CDK14: variants seen among roughly 807,000 people sequenced by gnomAD.
CDK14 encodes cyclin dependent kinase 14.
A neutral mutation model predicts 60.7 loss-of-function variants in CDK14; 34 were observed. The ratio of observed to expected loss-of-function variants is 0.56; its 90% CI spans 0.43 to 0.75. The LOEUF (loss-of-function observed/expected upper bound fraction) is 0.75, where lower values mean the gene tolerates loss of function less well. Ranked by LOEUF, CDK14 falls within the 30% of genes least tolerant of loss-of-function variation. The pLI is 0.00. For synonymous variants in CDK14, 197 were observed against 203.7 expected, an observed-to-expected ratio of 0.97 and a Z score of 0.28; for missense variants, 482 against 564.1, an observed-to-expected ratio of 0.85 and a Z score of 1.47.
intron 2 of CDK14, among the ~76,000 whole-genome samples, chr7:90,640,441 A>G (rs186119894): frequency 3.3e-5 from 5 of 152,284 alleles, no homozygotes; most frequent in East Asian, 3.9e-4. Flanking sequence ...GCAGAGAAAT[A>G]TGATGGAGTA....
intron 5 of CDK14, 40 bp downstream of exon 5, chr7:90,790,692 A>T: frequency 7.5e-7 from 1 of 1,335,688 alleles, no homozygotes; most frequent in Non-Finnish European, 1.1e-6. Flanking sequence ...TTGTGTTTCT[A>T]TGGTCCCCGT....
At chr7:90,875,482 G>A (rs916679493) in intron 6 of CDK14, among the ~76,000 whole-genome samples, 1 of 150,970 alleles carries the variant, frequency 6.6e-6, no homozygotes, top group African/African-American at 2.4e-5. Context: ...GCAGTGTATA[G>A]GGGTGCCAAT....
At chr7:90,622,009 A>G (rs1335590944) in intron 2 of CDK14, among the ~76,000 whole-genome samples, 1 of 152,152 alleles carries the variant, frequency 6.6e-6, no homozygotes, top group African/African-American at 2.4e-5. Flanking sequence ...TTTGATGATG[A>G]TTGGGTTACA....
intron 10 of CDK14, among the ~76,000 whole-genome samples, chr7:91,008,555 AT>A (rs956848223): frequency 5.3e-5 from 8 of 151,456 alleles, no homozygotes; most frequent in Admixed American, 1.3e-4. Context: ...TTTGGCAGTA[AT>A]TTTTTTTTCT....
chr7:90,899,581 C>T (rs534530782), intron 7 of CDK14, among the ~76,000 whole-genome samples: 1 of 152,048 alleles, frequency 6.6e-6, no homozygotes, highest in Admixed American at 6.6e-5. Context: ...CTTATATTTT[C>T]TTGCTGGAGA....
intron 9 of CDK14, among the ~76,000 whole-genome samples, chr7:90,969,081 T>A (rs974303246): frequency 2.0e-5 from 3 of 152,142 alleles, no homozygotes; most frequent in African/African-American, 7.2e-5. Context: ...AGGGCAAATA[T>A]TTGAGAATAT....
chr7:90,797,177 A>G (rs1359260108), intron 5 of CDK14, among the ~76,000 whole-genome samples: 2 of 151,732 alleles, frequency 1.3e-5, no homozygotes, highest in African/African-American at 2.4e-5. Context: ...AACAACAGAA[A>G]CTTAATGTCT....
Position 90,833,448 on chromosome 7 carries a change from A to G in CDK14, c.545-29727A>G, listed in dbSNP as rs1166074381. Among the ~76,000 whole-genome samples the G allele has an allele frequency of 3.9e-5, 6 of 152,262 alleles. No homozygotes were observed. The South Asian group carries it at 8.3e-4, about 21-fold the overall frequency. ...ACTTTGATATGTTTTCCTGTTTGCA[A>G]CCACTCATCTGGGGGCACAAGAAAA... On this transcript the variant is annotated intron_variant, in intron 5 of 14. Transcript: ENST00000380050.
chr7:90,874,304 T>G (rs1791475610), intron 6 of CDK14, among the ~76,000 whole-genome samples: 1 of 152,152 alleles, frequency 6.6e-6, no homozygotes, highest in African/African-American at 2.4e-5. Context: ...TTTGGCTAGA[T>G]GTAGAATTCT....
chr7:90,736,363 T>TG (rs941425474), intron 3 of CDK14, among the ~76,000 whole-genome samples: 4 of 147,566 alleles, frequency 2.7e-5, no homozygotes, highest in Admixed American at 6.7e-5. Context: ...TTTTTTTTTT[T>TG]TTTTTTTTTT....
In CDK14 at chr7:90,878,920, A is replaced by C. The variant is rs79581736; in HGVS notation, c.639+15651A>C. The stretch of plus-strand genomic sequence containing the variant: ...ATATGTATGTATTTAATGTTCAGTA[A>C]GTATTGACAGTGAAGAAACAAATGA... On this transcript the variant is annotated intron_variant, in intron 6 of 14. Coordinates refer to ENST00000380050, the MANE Select transcript of CDK14 (RefSeq NM_001287135.2). 9.8e-3 allele frequency among the ~76,000 whole-genome samples: 1,500 copies of C among 152,332 alleles called. 24 individuals are homozygous for C. Among genetic ancestry groups the C allele is most frequent in the African/African-American group, 0.033 (1,377 of 41,558 alleles).
intron 10 of CDK14, among the ~76,000 whole-genome samples, chr7:90,991,324 C>T (rs1358865334): frequency 6.6e-6 from 1 of 152,004 alleles, no homozygotes; most frequent in African/African-American, 2.4e-5. Context: ...TCTTGGTTCC[C>T]ACATCGTATT....
chr7:90,639,122 C>G (rs1232030174), intron 2 of CDK14, among the ~76,000 whole-genome samples: 1 of 152,234 alleles, frequency 6.6e-6, no homozygotes, highest in Non-Finnish European at 1.5e-5. Context: ...AAGCCTTCTT[C>G]TCTCAACTCG....
intron 6 of CDK14, among the ~76,000 whole-genome samples, chr7:90,868,602 A>G (rs994188288): frequency 4.6e-5 from 7 of 152,142 alleles, no homozygotes; most frequent in African/African-American, 1.7e-4. Context: ...AACATTATAT[A>G]AAACAAAAAT....
chr7:91,179,672 G>A (rs199762039), intron 14 of CDK14, among the ~76,000 whole-genome samples: 4 of 152,024 alleles, frequency 2.6e-5, no homozygotes, highest in Admixed American at 6.6e-5. Flanking sequence ...GCGTGGTGGC[G>A]GGCGCCTGTA....
At chr7:90,735,680 T>C (rs1307703708) in intron 3 of CDK14, among the ~76,000 whole-genome samples, 6 of 152,136 alleles carry the variant, frequency 3.9e-5, no homozygotes, top group Admixed American at 2.6e-4. Context: ...CACCCCCACC[T>C]AGCTTAAGCG....
intron 14 of CDK14, among the ~76,000 whole-genome samples, chr7:91,171,009 T>C (rs1186902037): frequency 6.6e-6 from 1 of 151,980 alleles, no homozygotes; most frequent in Non-Finnish European, 1.5e-5. Flanking sequence ...CTCAGATGAT[T>C]TGGTGATCCA....
At chr7:90,762,956 G>A (rs1306636102) in intron 4 of CDK14, among the ~76,000 whole-genome samples, 6 of 152,170 alleles carry the variant, frequency 3.9e-5, no homozygotes, top group African/African-American at 1.4e-4. Flanking sequence ...TCCAGCCTGG[G>A]CAAGAGAGTG....
intron 2 of CDK14, among the ~76,000 whole-genome samples, chr7:90,679,076 A>G (rs961944874): frequency 4.6e-5 from 7 of 152,116 alleles, no homozygotes; most frequent in Non-Finnish European, 8.8e-5. Flanking sequence ...CAGCCCCCCA[A>G]GTAGCTGGGA....
Sources: gnomAD v4.1 joint callset for allele counts (sites outside exome capture counted in the v4.1 genomes callset) on GRCh38, gnomAD v4.1.1 for gene constraint, MANE v1.5 for transcripts, NCBI Gene and HGNC (gene_info 2026-07-23, HGNC 2026-07-21) for gene names.